Variants in TMEM205 observed in about 807,000 individuals in gnomAD.
TMEM205 encodes the protein transmembrane protein 205, also known as MBC3205.
A neutral mutation model predicts 17.9 loss-of-function variants in TMEM205; 11 were observed. The observed-to-expected ratio is 0.61, with a 90% CI of 0.39 to 1.02. TMEM205 has a LOEUF of 1.02. Ranked by LOEUF, TMEM205 falls within the 50% of genes least tolerant of loss-of-function variation. The probability of loss-of-function intolerance (pLI) is 0.01; values close to 1 mark genes in which losing one functional copy is unlikely to be tolerated. For missense variants in TMEM205, 236 were observed against 239.4 expected, an observed-to-expected ratio of 0.99 and a Z score of 0.09; for synonymous variants, 86 against 97.4, an observed-to-expected ratio of 0.88 and a Z score of 0.69.
chr19:11,344,167 G>A (rs188044388), intron 2 of TMEM205, among the ~76,000 whole-genome samples: 23 of 151,462 alleles, frequency 1.5e-4, no homozygotes, highest in Non-Finnish European at 2.9e-4. Context: ...ATGGTCTCGC[G>A]CTCCTGACCT....
chr19:11,345,099 G>T (rs879828503), intron 2 of TMEM205, 153 bp downstream of exon 2: 12 of 721,702 alleles, frequency 1.7e-5, no homozygotes, highest in Non-Finnish European at 2.4e-5. Context: ...CTCGTGATCC[G>T]CCCACCTCGG....
At chr19:11,346,434 C>T, upstream of TMEM205, 1 of 732,344 alleles carries the variant, frequency 1.4e-6, no homozygotes, top group Non-Finnish European at 2.3e-6. Context: ...GGCTACTAAG[C>T]GCAGCTGAAG....
upstream of TMEM205, chr19:11,346,488 G>A: frequency 8.0e-7 from 1 of 1,247,164 alleles, no homozygotes. Context: ...GGCAGGGGCG[G>A]AACTAAAATG....
chr19:11,345,328 C>T lies in TMEM205; in HGVS notation c.188G>A (p.Gly63Asp), dbSNP rs142797501. ...GATGCAGAGGTTGATGAAGGCACAG[C>T]CCATGGAGATGTGGAAGTAGAAGGG... ...LFPFYFHISMGCAFINLCILA... is the reference protein window; with the variant it reads ...LFPFYFHISMDCAFINLCILA... Residue 63 changes from glycine (G) to aspartate (D), a missense_variant, in exon 2 of 3, where the codon GGC becomes GAC. Coordinates refer to ENST00000354882, the MANE Select transcript of TMEM205 (RefSeq NM_198536.3). The T allele has an allele frequency of 4.3e-6, 7 of 1,614,172 alleles. No individual in the cohort carries two copies. Among genetic ancestry groups the T allele is most frequent in the Non-Finnish European group, 5.9e-6 (7 of 1,180,034 alleles).
chr19:11,346,403 G>A (rs1317617480), upstream of TMEM205: 2 of 635,942 alleles, frequency 3.1e-6, no homozygotes, highest in Non-Finnish European at 5.5e-6. Context: ...CCCTCCACGG[G>A]CTTTTATCCA....
At chr19:11,343,208 AGGGGTG>A in intron 2 of TMEM205, 88 bp from the exon 3 acceptor site, 1 of 503,022 alleles carries the variant, frequency 2.0e-6, no homozygotes, top group Non-Finnish European at 3.4e-6. Context: ...TCAACAGCAC[AGGGGTG>A]GGGGTGGGGA....
chr19:11,342,818 G>A lies in TMEM205; in HGVS notation c.567C>T (p.Leu189=), dbSNP rs1204239618. 6.2e-7 allele frequency: 1 copy of A among 1,612,946 alleles called. No individual in the cohort carries two copies. Among genetic ancestry groups the A allele is most frequent in the Non-Finnish European group, 8.5e-7 (1 of 1,179,310 alleles). The change falls in exon 3 of 3, where the codon CTC becomes CTT. Residue 189 remains leucine, a synonymous_variant. Coordinates refer to ENST00000354882, the MANE Select transcript of TMEM205 (RefSeq NM_198536.3). ...TTATTAGCATGCAGGGCCCATGCTA[G>A]AGGCTCCTTATTTCCAGGGCAAGGC... The part of the protein sequence containing the change: ...LAGLALEIRS[L]
intron 2 of TMEM205, chr19:11,345,041 A>G (rs1967114445): frequency 2.1e-6 from 1 of 475,122 alleles, no homozygotes; most frequent in Non-Finnish European, 3.8e-6. Flanking sequence ...TATTTTTAGT[A>G]GAGACGGGGT....
At position 11,342,969 on chromosome 19, in the gene TMEM205, G is replaced by A. The variant is rs1966995824; in HGVS notation, c.416C>T (p.Pro139Leu). 6.2e-7 allele frequency: 1 copy of A among 1,614,058 alleles called. No homozygotes were observed. Among genetic ancestry groups the A allele is most frequent in the Admixed American group, 1.7e-5 (1 of 59,998 alleles). The stretch of plus-strand genomic sequence containing the variant: ...GTCCTTCTCTCGCAGCTGGCGGTAG[G>A]GATCGGGACCCTGGTGGCTGCCTGG... ...EVPGSHQGPD[P>L]YRQLREKDPK... is the part of the protein sequence containing the mutation. Residue 139 changes from proline to leucine, a missense_variant, in exon 3 of 3, where the codon CCC (proline) becomes CTC (leucine). Transcript: ENST00000354882.
At chr19:11,343,262 T>C (rs2039080324) in intron 2 of TMEM205, 142 bp from the exon 3 acceptor site, 2 of 857,552 alleles carry the variant, frequency 2.3e-6, no homozygotes, top group Admixed American at 5.8e-5. Context: ...CCCTCTTTCC[T>C]TGAACCCAGA....
At position 11,343,074 on chromosome 19, in the gene TMEM205, C is replaced by T. The variant is rs761910689; in HGVS notation, c.311G>A (p.Arg104His). 20 of 1,613,584 alleles carry T rather than the reference C, an allele frequency of 1.2e-5. No homozygotes were observed. Among genetic ancestry groups the T allele is most frequent in the African/African-American group, 1.3e-5 (1 of 74,890 alleles). ...LSLTLATVNA[R>H]WLEPRTTAAM... ...AGCTGTGGTGCGGGGTTCCAGCCAG[C>T]GGGCGTTGACAGTGGCCAGCGTAAG... is the stretch of plus-strand genomic sequence containing the variant. The change falls in exon 3 of 3, where the codon CGC (arginine) becomes CAC (histidine). Residue 104 changes from arginine (R) to histidine (H), a missense_variant. Transcript: ENST00000354882.
At chr19:11,344,326 C>T (rs562212702) in intron 2 of TMEM205, among the ~76,000 whole-genome samples, 45 of 151,886 alleles carry the variant, frequency 3.0e-4, no homozygotes, top group African/African-American at 9.4e-4. Context: ...ATTTGAATAC[C>T]TTCTGAGCCT....
Position 11,345,385 on chromosome 19 carries a change from T to C in TMEM205, c.131A>G (p.His44Arg). The C allele has an allele frequency of 1.2e-6, 2 of 1,614,162 alleles. No homozygotes were observed. Among genetic ancestry groups the C allele is most frequent in the South Asian group, 1.1e-5 (1 of 91,078 alleles). The change falls in exon 2 of 3, where the codon CAT becomes CGT. Residue 44 changes from histidine (H) to arginine (R), a missense_variant. By Grantham distance (29) the His-to-Arg change is conservative (BLOSUM62 0). Coordinates refer to ENST00000354882, the MANE Select transcript of TMEM205 (RefSeq NM_198536.3). Reference protein sequence around the residue: ...GFLLFRSLPRHTFGLVQSKLF... With the variant: ...GFLLFRSLPRRTFGLVQSKLF... ...TTTGCTCTGCACTAGTCCGAAGGTA[T>C]GTCGGGGAAGGCTTCGGAAAAGCAG...
chr19:11,342,818 G>C lies in TMEM205; in HGVS notation c.567C>G (p.Leu189=). 1 of 1,613,064 alleles carries C rather than the reference G, an allele frequency of 6.2e-7. No homozygotes were observed. The highest frequency in any genetic ancestry group is 1.1e-5 in the South Asian group (1 of 91,076). ...LAGLALEIRS[L] ...TTATTAGCATGCAGGGCCCATGCTA[G>C]AGGCTCCTTATTTCCAGGGCAAGGC... is the stretch of plus-strand genomic sequence containing the variant. Residue 189 remains leucine (L), a synonymous_variant, in exon 3 of 3, where the codon CTC becomes CTG. Transcript: ENST00000354882.
rs1459928567 is a variant in TMEM205, at chr19:11,345,546, A to G, written c.74T>C (p.Met25Thr). The change falls in exon 1 of 3, where the codon ATG becomes ACG. Residue 25 changes from methionine to threonine, a missense_variant. Coordinates refer to ENST00000354882, the MANE Select transcript of TMEM205 (RefSeq NM_198536.3). ...TGAGACGAAGGTCACCCACATTTGCATGCCCCAGGCACCTGACAAGACCAG... is the reference window on the plus strand; with the variant it reads ...TGAGACGAAGGTCACCCACATTTGCGTGCCCCAGGCACCTGACAAGACCAG... Reference protein sequence around the residue: ...HLLVLSGAWGMQMWVTFVSGF... With the variant: ...HLLVLSGAWGTQMWVTFVSGF... The G allele has an allele frequency of 1.7e-5, 27 of 1,613,984 alleles. No individual in the cohort carries two copies. Among genetic ancestry groups the G allele is most frequent in the Non-Finnish European group, 2.0e-5 (24 of 1,180,014 alleles).
intron 2 of TMEM205, among the ~76,000 whole-genome samples, chr19:11,344,034 T>A (rs1029666891): frequency 6.9e-6 from 1 of 145,082 alleles, no homozygotes; most frequent in African/African-American, 2.6e-5. Context: ...AATCTCCGCC[T>A]CCTGGGTTCA....
chr19:11,343,221 G>A, intron 2 of TMEM205, 101 bp from the exon 3 acceptor site: 2 of 1,232,260 alleles, frequency 1.6e-6, no homozygotes, highest in Non-Finnish European at 2.2e-6. Flanking sequence ...GGTGGGGGTG[G>A]GGACAGCACT....
chr19:11,342,937 A>G lies in TMEM205; in HGVS notation c.448T>C (p.Tyr150His). 1 of 1,614,176 alleles carries G rather than the reference A, an allele frequency of 6.2e-7. No homozygotes were observed. The highest frequency in any genetic ancestry group is 8.5e-7 in the Non-Finnish European group (1 of 1,180,028). ...YRQLREKDPKYSALRQNFFRY... is the reference protein window; with the variant it reads ...YRQLREKDPKHSALRQNFFRY... ...AAGAAATTCTGGCGGAGAGCACTGT[A>G]CTTGGGGTCCTTCTCTCGCAGCTGG... The change falls in exon 3 of 3, where the codon TAC (tyrosine) becomes CAC (histidine). Residue 150 changes from tyrosine (Y) to histidine (H), a missense_variant. Tyr to His is a moderately conservative substitution (Grantham distance 83). Coordinates refer to ENST00000354882, the MANE Select transcript of TMEM205 (RefSeq NM_198536.3).
rs972495751 is a variant in TMEM205, at chr19:11,345,401, G to C, written c.115C>G (p.Arg39Gly). The C allele has an allele frequency of 1.2e-6, 2 of 1,614,102 alleles. No homozygotes were observed. The highest frequency in any genetic ancestry group is 3.3e-5 in the Admixed American group (2 of 60,012). The change falls in exon 2 of 3, where the codon CGA becomes GGA. Residue 39 changes from arginine (R) to glycine (G), a missense_variant. Transcript: ENST00000354882. ...CCGAAGGTATGTCGGGGAAGGCTTC[G>C]GAAAAGCAGGAAGCCTGCAGGGTAT... ...VTFVSGFLLFRSLPRHTFGLV... is the reference protein window; with the variant it reads ...VTFVSGFLLFGSLPRHTFGLV...
Sources: gnomAD v4.1 joint callset for allele counts (sites outside exome capture counted in the v4.1 genomes callset) on GRCh38, gnomAD v4.1.1 for gene constraint, MANE v1.5 for transcripts, NCBI Gene and HGNC (gene_info 2026-07-23, HGNC 2026-07-21) for gene names.